TEX15: variants seen among roughly 807,000 people sequenced by gnomAD.
The protein encoded by TEX15 is testis-expressed protein 15.
A neutral mutation model predicts 237.3 loss-of-function variants in TEX15; 171 were observed. The ratio of observed to expected loss-of-function variants is 0.72; its 90% CI spans 0.64 to 0.82. TEX15 has a LOEUF of 0.82. Among genes scored for constraint, TEX15 ranks in the 40% least tolerant of loss-of-function variants. The pLI, the probability that TEX15 is intolerant of heterozygous loss-of-function variation, is 0.00. For synonymous variants in TEX15, 1,338 were observed against 1,269.8 expected, an observed-to-expected ratio of 1.05 and a Z score of -1.14; for missense variants, 3,750 against 3,646.5, an observed-to-expected ratio of 1.03 and a Z score of -0.73.
intron 1 of TEX15, among the ~76,000 whole-genome samples, chr8:30,909,376 T>G (rs1016623285): frequency 6.6e-6 from 1 of 150,896 alleles, no homozygotes; most frequent in Non-Finnish European, 1.5e-5. Flanking sequence ...AAGTCTCAGC[T>G]GCTGTAATTA....
chr8:30,909,255 C>G (rs796435958), intron 1 of TEX15, among the ~76,000 whole-genome samples: 13 of 151,878 alleles, frequency 8.6e-5, no homozygotes, highest in African/African-American at 2.9e-4. Context: ...TTTTGTATAC[C>G]TAGGGTCTAA....
intron 10 of TEX15, among the ~76,000 whole-genome samples, chr8:30,833,537 A>T (rs1289060397): frequency 6.6e-6 from 1 of 152,198 alleles, no homozygotes; most frequent in Non-Finnish European, 1.5e-5. Context: ...GCACCTCTGC[A>T]TCTCTCTAAG....
At chr8:30,884,491 A>T (rs1237352515) in intron 3 of TEX15, among the ~76,000 whole-genome samples, 1 of 152,212 alleles carries the variant, frequency 6.6e-6, no homozygotes, top group Admixed American at 6.5e-5. Flanking sequence ...GTTATTAGTT[A>T]TTGATTCAAT....
chr8:30,848,882 T>C lies in TEX15; in HGVS notation c.1285A>G (p.Lys429Glu), dbSNP rs139111561. ...ATCAGTCTTGGGTCTTTGATGGATT[T>C]TGAAGTAGTGACTGTGCTTGAGCCA... Reference protein sequence around the residue: ...NTGSSTVTTSKSIKDPRLMRR... With the variant: ...NTGSSTVTTSESIKDPRLMRR... The change falls in exon 8 of 11, where the codon AAA (lysine) becomes GAA (glutamate). Residue 429 changes from lysine to glutamate, a missense_variant. Lys to Glu is a moderately conservative substitution (Grantham distance 56). Coordinates refer to ENST00000643185, the MANE Select transcript of TEX15 (RefSeq NM_001350162.2). 15 of 1,614,076 alleles carry C rather than the reference T, an allele frequency of 9.3e-6. No individual in the cohort carries two copies. Among genetic ancestry groups the C allele is most frequent in the South Asian group, 4.4e-5 (4 of 91,082 alleles).
chr8:30,864,875 G>T (rs1260747006), intron 5 of TEX15, among the ~76,000 whole-genome samples: 1 of 151,918 alleles, frequency 6.6e-6, no homozygotes, highest in Admixed American at 6.6e-5. Flanking sequence ...GTGTGTATAG[G>T]TTTTTTTCTT....
intron 3 of TEX15, among the ~76,000 whole-genome samples, chr8:30,882,052 T>G (rs1366259532): frequency 6.6e-6 from 1 of 152,214 alleles, no homozygotes; most frequent in Non-Finnish European, 1.5e-5. Flanking sequence ...TCCCTCAAAT[T>G]TGGGTATGTT....
intron 2 of TEX15, among the ~76,000 whole-genome samples, chr8:30,888,311 C>T (rs1808708058): frequency 6.6e-6 from 1 of 152,140 alleles, no homozygotes; most frequent in Middle Eastern, 3.2e-3. Context: ...TTAGAAGAAA[C>T]TTCAAAAAGT....
chr8:30,842,408 T>C lies in TEX15; in HGVS notation c.7759A>G (p.Asn2587Asp). 1.1e-5 allele frequency: 17 copies of C among 1,613,754 alleles called. No homozygotes were observed. Among genetic ancestry groups the C allele is most frequent in the Non-Finnish European group, 1.4e-5 (17 of 1,179,838 alleles). The change falls in exon 8 of 11, where the codon AAC (asparagine) becomes GAC (aspartate). Residue 2587 changes from asparagine to aspartate, a missense_variant. Transcript: ENST00000643185. ...YGSTVTELEY[N>D]YNQFSTLLKN... ...AGCAGTGTAGAAAATTGATTGTAGTTGTATTCTAACTCTGTCACAGTGCTT... is the reference window on the plus strand; with the variant it reads ...AGCAGTGTAGAAAATTGATTGTAGTCGTATTCTAACTCTGTCACAGTGCTT...
At position 30,842,142 on chromosome 8, in the gene TEX15, C is replaced by T. The variant is rs1460664828; in HGVS notation, c.8025G>A (p.Thr2675=). 20 of 1,612,700 alleles carry T rather than the reference C, an allele frequency of 1.2e-5. No individual in the cohort carries two copies. The highest frequency in any genetic ancestry group is 1.1e-4 in the African/African-American group (8 of 74,782). ...GENNNKFSIS[T]MLPPVSECIN... is the part of the protein sequence containing the mutation. The stretch of plus-strand genomic sequence containing the variant: ...TGCACTCTGATACTGGGGGCAACAT[C>T]GTAGAAATACTAAATTTATTGTTAT... Residue 2675 remains threonine (T), a synonymous_variant, in exon 8 of 11, where the codon ACG becomes ACA. Transcript: ENST00000643185.
At position 30,842,545 on chromosome 8, in the gene TEX15, A is replaced by C; in HGVS notation, c.7622T>G (p.Leu2541Arg). Residue 2541 changes from leucine to arginine, a missense_variant, in exon 8 of 11, where the codon CTC becomes CGC. Leu to Arg is a moderately radical substitution (Grantham distance 102). Transcript: ENST00000643185. The stretch of plus-strand genomic sequence containing the variant: ...TGAAAGTTCTTGAAGTTCTCTTGAG[A>C]GCAAATGAATAGCATATGAGCAATT... ...AVNCSYAIHLLSRELQELSEI... is the reference protein window; with the variant it reads ...AVNCSYAIHLRSRELQELSEI... 1.2e-6 allele frequency: 2 copies of C among 1,610,754 alleles called. No homozygotes were observed. The highest frequency in any genetic ancestry group is 1.7e-6 in the Non-Finnish European group (2 of 1,179,602).
chr8:30,904,040 C>T (rs193119589), intron 1 of TEX15, among the ~76,000 whole-genome samples: 2 of 152,158 alleles, frequency 1.3e-5, no homozygotes, highest in East Asian at 3.9e-4. Flanking sequence ...GGTTATGAGG[C>T]TTTTTAAAAG....
At chr8:30,883,782 G>A (rs1563268599) in intron 3 of TEX15, among the ~76,000 whole-genome samples, 1 of 152,064 alleles carries the variant, frequency 6.6e-6, no homozygotes, top group Non-Finnish European at 1.5e-5. Context: ...CCATGTCTCT[G>A]TTACTGTAAA....
intron 1 of TEX15, among the ~76,000 whole-genome samples, chr8:30,902,569 C>T (rs1809028548): frequency 6.6e-6 from 1 of 152,194 alleles, no homozygotes; most frequent in Admixed American, 6.5e-5. Flanking sequence ...CTGGTATACA[C>T]ATGCAGTAAT....
rs202013501 is a variant in TEX15 at position 30,844,078 on chromosome 8, A to G, written c.6089T>C (p.Phe2030Ser). ...TKVCLNILPL[F>S]VEAFERKQEC... Reference sequence around the variant, plus strand: ...TTGCTTTCTTTCAAAAGCTTCCACAAATAAAGGGAGAATATTTAGACAAAC... The same window carrying G: ...TTGCTTTCTTTCAAAAGCTTCCACAGATAAAGGGAGAATATTTAGACAAAC... Residue 2030 changes from phenylalanine to serine, a missense_variant, in exon 8 of 11, where the codon TTT becomes TCT. Phe to Ser is a radical substitution (Grantham distance 155). Coordinates refer to ENST00000643185, the MANE Select transcript of TEX15 (RefSeq NM_001350162.2). The G allele has an allele frequency of 3.7e-6, 6 of 1,612,770 alleles. No individual in the cohort carries two copies. Among genetic ancestry groups the G allele is most frequent in the Non-Finnish European group, 4.2e-6 (5 of 1,179,454 alleles).
chr8:30,889,938 T>TATATATACATATATATATATATATACGC (rs1554502292), intron 2 of TEX15, among the ~76,000 whole-genome samples: 1 of 128,158 alleles, frequency 7.8e-6, no homozygotes, highest in African/African-American at 3.6e-5. Flanking sequence ...TATATACATA[T>TATATATACATATATATATATATATACGC]ATATATATAT....
chr8:30,831,733 T>G lies in TEX15; in HGVS notation c.*1553A>C, dbSNP rs868260177. On this transcript the variant is annotated 3_prime_UTR_variant, in exon 11 of 11. Transcript: ENST00000643185. ...TTAACTAGAATATTTAACTTTTGGT[T>G]TACATATTAGTAGTAGTATTAACTA... 5.3e-5 allele frequency: 8 copies of G among 152,218 alleles called. No homozygotes were observed. The highest frequency in any genetic ancestry group is 1.2e-4 in the Non-Finnish European group (8 of 68,030). The allele number at this position is 152,218 out of a possible 1,614,324, so 9.4% of individuals were successfully genotyped here.
rs747473156 is a variant in TEX15, at chr8:30,847,792, T to C, written c.2375A>G (p.His792Arg). Residue 792 changes from histidine (H) to arginine (R), a missense_variant, in exon 8 of 11, where the codon CAT (histidine) becomes CGT (arginine). Physicochemically the swap from His to Arg is conservative, Grantham distance 29. Transcript: ENST00000643185. ...VISSYNIETA[H>R]DSSNCSITRE... ...AGTTATGCTGCAATTTGAACTGTCA[T>C]GAGCTGTTTCTATGTTATAAGATGA... 3 of 1,613,274 alleles carry C rather than the reference T, an allele frequency of 1.9e-6. No individual in the cohort carries two copies. Among genetic ancestry groups the C allele is most frequent in the South Asian group, 2.2e-5 (2 of 91,060 alleles).
At chr8:30,866,369 AGGAAGG>A (rs142387939) in intron 5 of TEX15, among the ~76,000 whole-genome samples, 17,372 of 147,660 alleles carry the variant, frequency 0.12, 1,665 homozygotes, top group African/African-American at 0.27. Flanking sequence ...AAAGGGGAAG[AGGAAGG>A]GGAAGGGGAA....
rs1009334796 is a variant in TEX15, at chr8:30,874,923, T to C, written c.302+14A>G. 1.8e-5 allele frequency: 23 copies of C among 1,296,426 alleles called. No individual in the cohort carries two copies. The African/African-American group carries it at 3.1e-4, about 18-fold the overall frequency. The allele number at this position is 1,296,426 out of a possible 1,614,324, so 80.3% of individuals were successfully genotyped here. A position where few individuals can be genotyped will look rare whatever the true frequency, so the allele number is the denominator to read the frequency against. On this transcript the variant is annotated intron_variant, in intron 4 of 10. Coordinates refer to ENST00000643185, the MANE Select transcript of TEX15 (RefSeq NM_001350162.2). Reference sequence around the variant, plus strand: ...CAACAAAATCTCAAACACGTTTAGATCATAGTAACTTACCTCTTAGCAGTA... The same window carrying C: ...CAACAAAATCTCAAACACGTTTAGACCATAGTAACTTACCTCTTAGCAGTA...
Sources: gnomAD v4.1 joint callset for allele counts (sites outside exome capture counted in the v4.1 genomes callset) on GRCh38, gnomAD v4.1.1 for gene constraint, MANE v1.5 for transcripts, NCBI Gene and HGNC (gene_info 2026-07-23, HGNC 2026-07-21) for gene names.